NF1: variants seen among roughly 807,000 people sequenced by gnomAD.
NF1 encodes neurofibromin.
Under a neutral mutation model 325.7 loss-of-function variants are expected in NF1, and 122 were observed. That is an observed-to-expected ratio of 0.37 (90% confidence interval 0.32 to 0.44). The LOEUF is 0.44. Among genes scored for constraint, NF1 ranks in the 20% least tolerant of loss-of-function variants. The probability of loss-of-function intolerance (pLI) is 1.00; values close to 1 mark genes in which losing one functional copy is unlikely to be tolerated. For synonymous variants in NF1, 1,091 were observed against 1,186.0 expected (o/e 0.92, Z 1.65); for missense variants, 2,140 against 3,415.4 (o/e 0.63, Z 9.31).
intron 1 of NF1, among the ~76,000 whole-genome samples, chr17:31,095,947 T>A (rs945388781): frequency 4.6e-5 from 7 of 152,142 alleles, no homozygotes; most frequent in African/African-American, 1.7e-4. Context: ...TTTCTTACTT[T>A]CTGCTCCATC....
intron 24 of NF1, among the ~76,000 whole-genome samples, 163 bp downstream of exon 24, chr17:31,231,088 T>C (rs959155130): frequency 6.6e-6 from 1 of 152,202 alleles, no homozygotes; most frequent in African/African-American, 2.4e-5. Context: ...ACTGCTTTTT[T>C]TTGACTGATA....
intron 36 of NF1, among the ~76,000 whole-genome samples, chr17:31,313,671 A>G (rs1597812047): frequency 1.3e-5 from 2 of 149,844 alleles, no homozygotes; most frequent in South Asian, 4.2e-4. Context: ...GTGCCACTGC[A>G]CTCCAGCCTG....
intron 36 of NF1, among the ~76,000 whole-genome samples, chr17:31,306,097 C>G (rs914663761): frequency 6.6e-6 from 1 of 151,992 alleles, no homozygotes; most frequent in African/African-American, 2.4e-5. Flanking sequence ...TTTATTTCTT[C>G]TCTCCCCTCC....
chr17:31,335,281 T>TATATATATATGTATATATATGTATATA (rs2069625339), intron 40 of NF1, among the ~76,000 whole-genome samples: 1 of 43,234 alleles, frequency 2.3e-5, no homozygotes, highest in Non-Finnish European at 8.7e-5. Context: ...TAATTATATA[T>TATATATATATGTATATATATGTATATA]ATATATATAT....
In NF1 at chr17:31,200,913, G is replaced by T. The variant is rs1597681646; in HGVS notation, c.1063-124G>T. ...ATGAACCACAGTATGGGTGCTTTGTGCTTCTTCTGGCAGCTGGATTTTACT... is the reference window on the plus strand; with the variant it reads ...ATGAACCACAGTATGGGTGCTTTGTTCTTCTTCTGGCAGCTGGATTTTACT... On this transcript the variant is annotated intron_variant, in intron 9 of 57. Transcript: ENST00000358273. 5 of 1,350,528 alleles carry T rather than the reference G, an allele frequency of 3.7e-6. No homozygotes were observed. In the East Asian group the frequency reaches 1.1e-4, roughly 31 times the overall value. 83.7% of individuals were successfully genotyped at this position (1,350,528 alleles called of 1,614,324 possible).
chr17:31,291,433 ATCTGTTATT>A (rs2068341570), intron 36 of NF1, among the ~76,000 whole-genome samples: 1 of 152,092 alleles, frequency 6.6e-6, no homozygotes. Context: ...TGTTGCCAAT[ATCTGTTATT>A]TCTGTTTTTT....
intron 1 of NF1, among the ~76,000 whole-genome samples, chr17:31,124,925 A>G (rs1914750440): frequency 6.6e-6 from 1 of 151,716 alleles, no homozygotes. Flanking sequence ...GACTTAAAAC[A>G]TACTGTGAAA....
chr17:31,310,666 C>T (rs1267358618), intron 36 of NF1, among the ~76,000 whole-genome samples: 1 of 152,020 alleles, frequency 6.6e-6, no homozygotes, highest in Non-Finnish European at 1.5e-5. Flanking sequence ...TATCCAGAAG[C>T]ATACCTAGCA....
chr17:31,158,621 G>A (rs1274304181), intron 2 of NF1, among the ~76,000 whole-genome samples: 1 of 152,102 alleles, frequency 6.6e-6, no homozygotes, highest in East Asian at 1.9e-4. Flanking sequence ...AAAATTCACT[G>A]TGGTGCTATA....
chr17:31,352,817 A>G (rs1195702372), intron 51 of NF1, among the ~76,000 whole-genome samples: 3 of 152,254 alleles, frequency 2.0e-5, no homozygotes, highest in African/African-American at 7.2e-5. Context: ...TGAATATGGT[A>G]TGAAGCTGTA....
chr17:31,330,268 A>G (rs756202018), intron 38 of NF1, 28 bp from the exon 39 acceptor site: 2 of 1,608,788 alleles, frequency 1.2e-6, no homozygotes, highest in African/African-American at 1.3e-5. Context: ...ATACGTTTTA[A>G]AACAACTTCA....
rs568911130 is a variant in NF1 at position 31,141,290 on chromosome 17, C to A, written c.61-14693C>A. ...GTAGTACCCAGCACAGTGCCTGACA[C>A]ATAGAAGGTGTTAATCTTGTTTTTT... On this transcript the variant is annotated intron_variant, in intron 1 of 57. Coordinates refer to ENST00000358273, the MANE Select transcript of NF1 (RefSeq NM_001042492.3). Among the ~76,000 whole-genome samples, 3 of 150,834 alleles carry A rather than the reference C, an allele frequency of 2.0e-5. No individual in the cohort carries two copies. In the South Asian group the frequency reaches 6.3e-4, roughly 32 times the overall value.
chr17:31,281,215 C>A (rs2068112558), intron 36 of NF1, among the ~76,000 whole-genome samples: 1 of 152,140 alleles, frequency 6.6e-6, no homozygotes, highest in African/African-American at 2.4e-5. Context: ...TCTGATGATT[C>A]TACTGTTGTT....
intron 36 of NF1, among the ~76,000 whole-genome samples, chr17:31,271,179 T>C (rs1315852101): frequency 6.6e-6 from 1 of 152,248 alleles, no homozygotes; most frequent in East Asian, 1.9e-4. Context: ...CCAACAGTTA[T>C]GAGATATATT....
Position 31,248,971 on chromosome 17 carries a change from T to A in NF1, c.3975-13T>A. On this transcript the variant is annotated splice_polypyrimidine_tract_variant and intron_variant, in intron 29 of 57. Transcript: ENST00000358273. Reference sequence around the variant, plus strand: ...AACAAAAGTGTTAGGATTTTATTTTTATTTTTTTGTAGGTTAGAACCATCA... The same window carrying A: ...AACAAAAGTGTTAGGATTTTATTTTAATTTTTTTGTAGGTTAGAACCATCA... 6.2e-7 allele frequency: 1 copy of A among 1,613,670 alleles called. No homozygotes were observed. The highest frequency in any genetic ancestry group is 8.5e-7 in the Non-Finnish European group (1 of 1,179,756).
At chr17:31,276,809 C>T (rs545985484) in intron 36 of NF1, among the ~76,000 whole-genome samples, 1 of 152,250 alleles carries the variant, frequency 6.6e-6, no homozygotes, top group East Asian at 1.9e-4. Context: ...TGACTGAGTT[C>T]TGGCCAGTAA....
chr17:31,304,060 A>G (rs1161529123), intron 36 of NF1: 6 of 494,014 alleles, frequency 1.2e-5, no homozygotes, highest in Non-Finnish European at 3.5e-6. Flanking sequence ...AAAGATAGGT[A>G]CTATAATTAG....
intron 47 of NF1, among the ~76,000 whole-genome samples, chr17:31,341,617 G>GTGTA (rs57708605): frequency 0.085 from 12,556 of 148,252 alleles, 1,428 homozygotes; most frequent in African/African-American, 0.25. Flanking sequence ...GTGTGTGTGT[G>GTGTA]TGTACACACA....
chr17:31,340,655 CTT>C lies in NF1; in HGVS notation c.7062+12_7062+13del, dbSNP rs753202735. ...TATATTCAATGACAAGGTAAGCAAA[CTT>C]TGCCTTGAGGTTCCTAGATTACTCA... is the stretch of plus-strand genomic sequence containing the variant. On this transcript the variant is annotated intron_variant, in intron 47 of 57. Coordinates refer to ENST00000358273, the MANE Select transcript of NF1 (RefSeq NM_001042492.3). 3 of 1,613,890 alleles carry C rather than the reference CTT, an allele frequency of 1.9e-6. No individual in the cohort carries two copies. Among genetic ancestry groups the C allele is most frequent in the Non-Finnish European group, 2.5e-6 (3 of 1,179,892 alleles).
Sources: gnomAD v4.1 joint callset for allele counts (sites outside exome capture counted in the v4.1 genomes callset) on GRCh38, gnomAD v4.1.1 for gene constraint, MANE v1.5 for transcripts, NCBI Gene and HGNC (gene_info 2026-07-23, HGNC 2026-07-21) for gene names.